Variants in EVL observed in about 807,000 individuals in gnomAD.
EVL encodes the protein Enah/Vasp-like.
Under a neutral mutation model 59.6 loss-of-function variants are expected in EVL, and 21 were observed. The ratio of observed to expected loss-of-function variants is 0.35; its 90% CI spans 0.25 to 0.51. The LOEUF (loss-of-function observed/expected upper bound fraction) is 0.51, where lower values mean the gene tolerates loss of function less well. Among genes scored for constraint, EVL ranks in the 20% least tolerant of loss-of-function variants. EVL has a pLI of 0.97. For synonymous variants in EVL, 198 were observed against 203.5 expected (o/e 0.97, Z 0.23); for missense variants, 462 against 546.6 (o/e 0.85, Z 1.54).
intron 3 of EVL, among the ~76,000 whole-genome samples, chr14:100,101,138 T>A (rs560363602): frequency 1.2e-4 from 19 of 152,320 alleles, no homozygotes; most frequent in Admixed American, 9.2e-4. Context: ...GGTGGGCAGA[T>A]CACCTGAGGT....
chr14:100,102,014 T>G (rs918893158), intron 3 of EVL, among the ~76,000 whole-genome samples: 1 of 152,108 alleles, frequency 6.6e-6, no homozygotes, highest in East Asian at 1.9e-4. Flanking sequence ...ATTTTTGTAT[T>G]TTTAGTAGAG....
chr14:100,092,984 AG>A (rs1477931557), intron 2 of EVL, among the ~76,000 whole-genome samples: 1 of 152,240 alleles, frequency 6.6e-6, no homozygotes, highest in African/African-American at 2.4e-5. Context: ...CTCACCCAAA[AG>A]TGGACTTGCA....
At chr14:100,073,604 G>A (rs990484049) in intron 1 of EVL, among the ~76,000 whole-genome samples, 10 of 152,112 alleles carry the variant, frequency 6.6e-5, no homozygotes, top group Non-Finnish European at 1.3e-4. Flanking sequence ...ACAGGTGTGA[G>A]CCACTGTGCC....
chr14:100,128,425 C>G (rs1219190448), intron 5 of EVL, 94 bp from the exon 6 acceptor site: 2 of 1,280,912 alleles, frequency 1.6e-6, no homozygotes, highest in Non-Finnish European at 2.3e-6. Context: ...AGCAGCCTGC[C>G]CCTGTCCTTC....
rs540456444 is a variant in EVL at position 100,127,224 on chromosome 14, C to T, written c.487+453C>T. Among the ~76,000 whole-genome samples, 97 of 152,298 alleles carry T rather than the reference C, an allele frequency of 6.4e-4. No individual in the cohort carries two copies. Among genetic ancestry groups the T allele is most frequent in the Non-Finnish European group, 1.2e-3 (84 of 68,014 alleles). On this transcript the variant is annotated intron_variant, in intron 5 of 13. Transcript: ENST00000392920. The surrounding 1 kb of genome is among the most constrained non-coding windows in gnomAD (Gnocchi z 4.2). ...AGACTTCCCACAGGAGGCGCTGCCA[C>T]GCGTCTGTCTTGGACGTTCGGTGGA...
chr14:100,085,447 T>C (rs2062418819), intron 2 of EVL, among the ~76,000 whole-genome samples: 2 of 152,204 alleles, frequency 1.3e-5, no homozygotes, highest in African/African-American at 2.4e-5. Flanking sequence ...TGGACTAAAA[T>C]AGGGACATGG....
At chr14:100,118,978 T>A (rs182626708) in intron 3 of EVL, among the ~76,000 whole-genome samples, 9 of 152,346 alleles carry the variant, frequency 5.9e-5, no homozygotes, top group African/African-American at 1.9e-4. Context: ...GACTTGAGCC[T>A]TGGCTGGGTC....
intron 1 of EVL, chr14:99,974,904 G>A (rs2060759440): frequency 1.3e-5 from 2 of 152,436 alleles, no homozygotes; most frequent in African/African-American, 4.8e-5. Flanking sequence ...TTGCCCCCAG[G>A]AAAAAGTCGA....
intron 1 of EVL, among the ~76,000 whole-genome samples, chr14:99,994,580 T>C (rs1182029931): frequency 6.6e-6 from 1 of 152,214 alleles, no homozygotes; most frequent in Non-Finnish European, 1.5e-5. Context: ...CGTTATGTTA[T>C]TGATAATACA....
intron 1 of EVL, among the ~76,000 whole-genome samples, chr14:99,987,088 A>T (rs1413044624): frequency 6.6e-6 from 1 of 152,228 alleles, no homozygotes; most frequent in Non-Finnish European, 1.5e-5. Context: ...TCTGCTGAAA[A>T]TGGTACCGTC....
rs945763082 is a variant in EVL, at chr14:100,023,256, G to A, written c.5+51199G>A. Among the ~76,000 whole-genome samples the A allele has an allele frequency of 3.4e-5, 5 of 147,126 alleles. No individual in the cohort carries two copies. In the East Asian group the frequency reaches 5.9e-4, roughly 17 times the overall value. ...GTCTCACTTTGTCACCTGGGTTGGC[G>A]TGCAGCGGCAGGATCTCAGCTCACT... On this transcript the variant is annotated intron_variant, in intron 1 of 13. Coordinates refer to the EVL transcript ENST00000402714.
intron 1 of EVL, among the ~76,000 whole-genome samples, chr14:100,009,751 G>A (rs557034054): frequency 1.3e-5 from 2 of 152,094 alleles, no homozygotes; most frequent in Non-Finnish European, 2.9e-5. Context: ...AGGTGGTCAC[G>A]GTACAGCTTA....
chr14:100,019,300 T>C, intron 1 of EVL: 1 of 226,794 alleles, frequency 4.4e-6, no homozygotes, highest in Non-Finnish European at 8.5e-6. Flanking sequence ...TGCACAGTTC[T>C]GGTAGGGGGT....
intron 1 of EVL, among the ~76,000 whole-genome samples, chr14:100,049,222 A>T (rs940473505): frequency 2.0e-5 from 3 of 152,216 alleles, no homozygotes; most frequent in Admixed American, 2.0e-4. Context: ...TGTTCCTTAA[A>T]ACCATTGGAA....
At chr14:99,973,516 G>T (rs2060749284) in intron 1 of EVL, among the ~76,000 whole-genome samples, 1 of 152,216 alleles carries the variant, frequency 6.6e-6, no homozygotes, top group African/African-American at 2.4e-5. Context: ...AGGCTGGAGT[G>T]CAGTGGTGCG....
At chr14:99,987,414 G>A (rs2060846336) in intron 1 of EVL, among the ~76,000 whole-genome samples, 1 of 152,186 alleles carries the variant, frequency 6.6e-6, no homozygotes, top group Non-Finnish European at 1.5e-5. Flanking sequence ...GGCCAAGGCA[G>A]GTGGATCAAC....
chr14:100,117,092 C>T (rs904116354), intron 3 of EVL, among the ~76,000 whole-genome samples: 5 of 152,186 alleles, frequency 3.3e-5, no homozygotes, highest in Non-Finnish European at 5.9e-5. Flanking sequence ...CACAGAGAGA[C>T]GGTCTTTGTG....
chr14:100,026,155 G>T (rs868695583), intron 1 of EVL, among the ~76,000 whole-genome samples: 1 of 151,632 alleles, frequency 6.6e-6, no homozygotes, highest in Non-Finnish European at 1.5e-5. Context: ...GGAGGCTGAG[G>T]TGAGAGGATC....
chr14:100,028,956 A>C (rs2061266484), intron 1 of EVL, among the ~76,000 whole-genome samples: 1 of 152,236 alleles, frequency 6.6e-6, no homozygotes, highest in Non-Finnish European at 1.5e-5. Flanking sequence ...TTATTTCTCT[A>C]GGCCTTAGTT....
Sources: allele counts gnomAD v4.1 joint callset (sites outside exome capture counted in the v4.1 genomes callset), GRCh38; gene constraint gnomAD v4.1.1; non-coding constraint Gnocchi (gnomAD v3.1); transcripts MANE v1.5; gene names NCBI Gene and HGNC (gene_info 2026-07-23, HGNC 2026-07-21).